Variants in COL4A1 observed in about 807,000 individuals in gnomAD.
COL4A1 encodes collagen alpha-1(IV) chain.
COL4A1 carries 40 observed loss-of-function variants against 216.6 expected under a neutral mutation model. That is an observed-to-expected ratio of 0.18 (90% CI 0.14 to 0.24). The LOEUF (loss-of-function observed/expected upper bound fraction) is 0.24. Among genes scored for constraint, COL4A1 ranks in the 10% least tolerant of loss-of-function variants. The probability of loss-of-function intolerance (pLI) is 1.00; values close to 1 mark genes in which losing one functional copy is unlikely to be tolerated. For synonymous variants in COL4A1, 839 were observed against 810.7 expected, an observed-to-expected ratio of 1.03 and a Z score of -0.59; for missense variants, 1,628 against 2,196.8, an observed-to-expected ratio of 0.74 and a Z score of 5.18.
At position 110,203,717 on chromosome 13, in the gene COL4A1, A is replaced by T. The variant is rs1879353494; in HGVS notation, c.958-110T>A. On this transcript the variant is annotated intron_variant, in intron 17 of 51. Coordinates refer to ENST00000375820, the MANE Select transcript of COL4A1 (RefSeq NM_001845.6). ...AAATAGAGTGTGCCTACAGTAAATTAAAACTATTTTTCTCTCTTTAATATC... is the reference window on the plus strand; with the variant it reads ...AAATAGAGTGTGCCTACAGTAAATTTAAACTATTTTTCTCTCTTTAATATC... 2.6e-6 allele frequency: 3 copies of T among 1,167,862 alleles called. No individual in the cohort carries two copies. In the Admixed American group the frequency reaches 5.2e-5, roughly 20 times the overall value. 72.3% of individuals were successfully genotyped at this position (1,167,862 alleles called of 1,614,324 possible). A position where few individuals can be genotyped will look rare whatever the true frequency, so the allele number is the denominator to read the frequency against.
In COL4A1 at chr13:110,211,869, G is replaced by A. The variant is rs201812821; in HGVS notation, c.441C>T (p.Pro147=). 6.6e-5 allele frequency: 106 copies of A among 1,613,970 alleles called. No individual in the cohort carries two copies. Among genetic ancestry groups the A allele is most frequent in the Non-Finnish European group, 8.2e-5 (97 of 1,180,006 alleles). Residue 147 remains proline (P), a splice_region_variant and synonymous_variant, in exon 7 of 52, where the codon CCC becomes CCT. Coordinates refer to ENST00000375820, the MANE Select transcript of COL4A1 (RefSeq NM_001845.6). This position sits in a 1 kb window ranked among gnomAD's most constrained non-coding sequence, Gnocchi z 4.3. ...PPGLPGFAGN[P]GPPGLPGMKG... ...TCTGCCCTAAATAACCTCTACTCAC[G>A]GGATTTCCAGCGAAACCAGGCAAGC...
intron 26 of COL4A1, among the ~76,000 whole-genome samples, chr13:110,184,289 G>A (rs912257456): frequency 2.0e-5 from 3 of 152,186 alleles, no homozygotes; most frequent in Non-Finnish European, 4.4e-5. Context: ...TGGTTTCTCT[G>A]ATGGTAGTTT....
chr13:110,263,949 T>A (rs987030455), intron 1 of COL4A1, among the ~76,000 whole-genome samples: 1 of 152,222 alleles, frequency 6.6e-6, no homozygotes, highest in East Asian at 1.9e-4. Context: ...TAGGCCAGCA[T>A]TTTTTCAGAG....
chr13:110,172,029 C>T (rs865991540), intron 41 of COL4A1, among the ~76,000 whole-genome samples: 8 of 152,252 alleles, frequency 5.3e-5, no homozygotes, highest in African/African-American at 1.9e-4. Context: ...ACCTCCGTGC[C>T]CCTGCTCCTT....
At chr13:110,270,625 C>T (rs530354127) in intron 1 of COL4A1, among the ~76,000 whole-genome samples, 1 of 152,190 alleles carries the variant, frequency 6.6e-6, no homozygotes, top group East Asian at 1.9e-4. Flanking sequence ...GGAACGAGGT[C>T]TCTGACCTCC....
chr13:110,285,985 G>T (rs1230116994), intron 1 of COL4A1, among the ~76,000 whole-genome samples: 2 of 152,170 alleles, frequency 1.3e-5, no homozygotes, highest in Non-Finnish European at 2.9e-5. Context: ...CTCTGGAAAT[G>T]GGACCCCGTT....
At chr13:110,294,433 C>G (rs553083741) in intron 1 of COL4A1, among the ~76,000 whole-genome samples, 34 of 152,372 alleles carry the variant, frequency 2.2e-4, no homozygotes, top group Admixed American at 5.9e-4. Flanking sequence ...CCTCCCATTC[C>G]TCCATCTGGT....
intron 48 of COL4A1, chr13:110,161,968 T>G: frequency 1.9e-6 from 1 of 531,848 alleles, no homozygotes; most frequent in Non-Finnish European, 3.4e-6. Context: ...ATCTAAAGTT[T>G]TATTAATTTA....
intron 1 of COL4A1, among the ~76,000 whole-genome samples, chr13:110,243,310 T>C (rs1011287949): frequency 6.6e-6 from 1 of 152,142 alleles, no homozygotes; most frequent in African/African-American, 2.4e-5. Context: ...AACAAAATAT[T>C]CTTGTAGTTC....
chr13:110,219,808 GTGTATATA>G (rs1173023896), intron 2 of COL4A1, among the ~76,000 whole-genome samples: 20 of 105,526 alleles, frequency 1.9e-4, no homozygotes, highest in African/African-American at 4.8e-4. Context: ...ATGTATATAT[GTGTATATA>G]TGTATATATA....
At chr13:110,192,032 G>A (rs565154233) in intron 24 of COL4A1, among the ~76,000 whole-genome samples, 182 bp downstream of exon 24, 2 of 152,356 alleles carry the variant, frequency 1.3e-5, no homozygotes, top group African/African-American at 4.8e-5. Context: ...GTGGGTAACA[G>A]TCTTGCTCAT....
intron 1 of COL4A1, among the ~76,000 whole-genome samples, chr13:110,266,416 C>T (rs113445660): frequency 5.3e-5 from 8 of 152,320 alleles, no homozygotes; most frequent in African/African-American, 1.7e-4. Context: ...GGCTGCCAAC[C>T]CCCGGTCCTC....
At chr13:110,175,469 C>G (rs1397206053) in intron 36 of COL4A1, 112 bp from the exon 37 acceptor site, 1 of 1,531,678 alleles carries the variant, frequency 6.5e-7, no homozygotes, top group Non-Finnish European at 8.8e-7. Context: ...GTGAATCCCC[C>G]ACAACCAGCC....
chr13:110,252,618 T>TACA (rs1166198237), intron 1 of COL4A1, among the ~76,000 whole-genome samples: 1 of 19,790 alleles, frequency 5.1e-5, no homozygotes, highest in Admixed American at 1.2e-3. Flanking sequence ...TATATATGTA[T>TACA]AATTGTATAT....
intron 17 of COL4A1, 50 bp downstream of exon 17, chr13:110,205,303 G>C: frequency 6.2e-7 from 1 of 1,604,884 alleles, no homozygotes; most frequent in East Asian, 2.2e-5. Context: ...CAGACTTCTG[G>C]GTTGAATTGG....
intron 2 of COL4A1, among the ~76,000 whole-genome samples, chr13:110,234,306 G>A (rs1250492599): frequency 1.3e-5 from 2 of 152,150 alleles, no homozygotes; most frequent in Admixed American, 1.3e-4. Context: ...TCAGAGGCTC[G>A]GTACAGTGGC....
At chr13:110,225,584 AAAAT>A (rs538384117) in intron 2 of COL4A1, among the ~76,000 whole-genome samples, 224 of 152,342 alleles carry the variant, frequency 1.5e-3, no homozygotes, top group African/African-American at 5.1e-3. Context: ...TCCATCTCAA[AAAAT>A]AAATAAATAA....
rs948909705 is a variant in COL4A1 at position 110,186,322 on chromosome 13, G to A, written c.1897+63C>T. Reference sequence around the variant, plus strand: ...GAACCCCAGGCCTCTGTGTGCACCCGAGGTGCCTGCCCTAACCTCCGTTTA... The same window carrying A: ...GAACCCCAGGCCTCTGTGTGCACCCAAGGTGCCTGCCCTAACCTCCGTTTA... On this transcript the variant is annotated intron_variant, in intron 26 of 51. Coordinates refer to ENST00000375820, the MANE Select transcript of COL4A1 (RefSeq NM_001845.6). The A allele has an allele frequency of 1.8e-4, 291 of 1,603,844 alleles. 1 individual carries two copies. Among genetic ancestry groups the A allele is most frequent in the Non-Finnish European group, 4.5e-5 (53 of 1,174,122 alleles).
At chr13:110,165,197 G>A (rs989919498) in intron 45 of COL4A1, among the ~76,000 whole-genome samples, 5 of 151,956 alleles carry the variant, frequency 3.3e-5, no homozygotes, top group African/African-American at 1.2e-4. Flanking sequence ...CTGAACTCTC[G>A]GGCAAAGGCA....
Sources: allele counts gnomAD v4.1 joint callset (sites outside exome capture counted in the v4.1 genomes callset), GRCh38; gene constraint gnomAD v4.1.1; non-coding constraint Gnocchi (gnomAD v3.1); transcripts MANE v1.5; gene names NCBI Gene and HGNC (gene_info 2026-07-23, HGNC 2026-07-21).